PTPRD: variants seen among roughly 807,000 people sequenced by gnomAD.
The protein encoded by PTPRD is protein tyrosine phosphatase receptor type D, also known as receptor-type tyrosine-protein phosphatase delta.
Under a neutral mutation model 214.5 loss-of-function variants are expected in PTPRD, and 34 were observed. The ratio of observed to expected loss-of-function variants is 0.16; its 90% CI spans 0.12 to 0.21. The LOEUF (loss-of-function observed/expected upper bound fraction) is 0.21, where lower values mean the gene tolerates loss of function less well. Ranked by LOEUF, PTPRD falls within the 10% of genes least tolerant of loss-of-function variation. The pLI is 1.00. For synonymous variants in PTPRD, 1,128 were observed against 845.7 expected, an observed-to-expected ratio of 1.33 and a Z score of -5.79; for missense variants, 2,545 against 2,398.7, an observed-to-expected ratio of 1.06 and a Z score of -1.27.
chr9:9,803,373 T>G (rs2099053699), intron 5 of PTPRD, among the ~76,000 whole-genome samples: 1 of 152,008 alleles, frequency 6.6e-6, no homozygotes, highest in Admixed American at 6.6e-5. Flanking sequence ...GCTGCAGAAT[T>G]GAAGAAACTA....
chr9:9,856,638 CAA>C (rs35166329), intron 5 of PTPRD, among the ~76,000 whole-genome samples: 9 of 146,960 alleles, frequency 6.1e-5, no homozygotes, highest in East Asian at 4.0e-4. Context: ...GAAAATTTAC[CAA>C]AAAAAAAAAA....
At chr9:8,652,713 A>C (rs1355028342) in intron 12 of PTPRD, among the ~76,000 whole-genome samples, 2 of 152,224 alleles carry the variant, frequency 1.3e-5, no homozygotes, top group Non-Finnish European at 2.9e-5. Flanking sequence ...AATCCCAAGT[A>C]CTTGAGTGTT....
At chr9:8,790,655 G>A (rs1037751690) in intron 11 of PTPRD, among the ~76,000 whole-genome samples, 1 of 151,968 alleles carries the variant, frequency 6.6e-6, no homozygotes, top group East Asian at 1.9e-4. Flanking sequence ...GAATATCTAA[G>A]CATACCTTAG....
At chr9:8,490,360 T>C (rs537621118) in intron 27 of PTPRD, among the ~76,000 whole-genome samples, 16 of 152,316 alleles carry the variant, frequency 1.1e-4, no homozygotes, top group African/African-American at 3.6e-4. Context: ...TTTTTAGCAA[T>C]TGGAATCATT....
chr9:9,677,322 G>A (rs1243132260), intron 7 of PTPRD, among the ~76,000 whole-genome samples: 2 of 151,902 alleles, frequency 1.3e-5, no homozygotes, highest in Non-Finnish European at 2.9e-5. Flanking sequence ...GTAAGGAAGG[G>A]ATCCAGTTTC....
intron 3 of PTPRD, among the ~76,000 whole-genome samples, chr9:10,154,054 G>A (rs377657005): frequency 6.6e-6 from 1 of 152,050 alleles, no homozygotes; most frequent in African/African-American, 2.4e-5. Context: ...TTACCACACT[G>A]CTTTCTACAA....
intron 2 of PTPRD, among the ~76,000 whole-genome samples, chr9:10,394,791 A>C (rs200705845): frequency 2.6e-5 from 4 of 151,602 alleles, no homozygotes; most frequent in Non-Finnish European, 5.9e-5. Context: ...AATAGAATAA[A>C]CGTCAATATA....
At chr9:9,482,588 C>G (rs914875521) in intron 8 of PTPRD, among the ~76,000 whole-genome samples, 4 of 152,094 alleles carry the variant, frequency 2.6e-5, no homozygotes, top group African/African-American at 9.7e-5. Context: ...TATCTTGTAC[C>G]AGCACTACAG....
Position 10,506,832 on chromosome 9 carries a change from T to C in PTPRD, c.-600+105566A>G, listed in dbSNP as rs762065740. Among the ~76,000 whole-genome samples, 73 of 152,138 alleles carry C rather than the reference T, an allele frequency of 4.8e-4. 1 individual carries two copies. Among genetic ancestry groups the C allele is most frequent in the Non-Finnish European group, 1.5e-4 (10 of 68,022 alleles). Reference sequence around the variant, plus strand: ...TTTGGGTTTGCGTGATATTTCCTTATGATTAGACTAAAATTAGACATTTTT... The same window carrying C: ...TTTGGGTTTGCGTGATATTTCCTTACGATTAGACTAAAATTAGACATTTTT... On this transcript the variant is annotated intron_variant, in intron 2 of 45. Transcript: ENST00000381196.
At chr9:10,050,246 G>A (rs1255754178) in intron 3 of PTPRD, among the ~76,000 whole-genome samples, 1 of 151,784 alleles carries the variant, frequency 6.6e-6, no homozygotes, top group Non-Finnish European at 1.5e-5. Flanking sequence ...ATACTTGCAG[G>A]CTGATGCAAT....
At chr9:9,877,296 T>C (rs2067163060) in intron 5 of PTPRD, among the ~76,000 whole-genome samples, 1 of 152,096 alleles carries the variant, frequency 6.6e-6, no homozygotes, top group African/African-American at 2.4e-5. Context: ...AATAAATAAA[T>C]ATTAGCTTCA....
intron 39 of PTPRD, among the ~76,000 whole-genome samples, chr9:8,370,896 G>C (rs1564345088): frequency 6.6e-6 from 1 of 152,060 alleles, no homozygotes; most frequent in Non-Finnish European, 1.5e-5. Context: ...GGCCTCTGCT[G>C]TTTTTTCTTC....
intron 2 of PTPRD, among the ~76,000 whole-genome samples, chr9:10,348,654 G>C (rs567023598): frequency 6.6e-6 from 1 of 152,084 alleles, no homozygotes; most frequent in Non-Finnish European, 1.5e-5. Flanking sequence ...TATAACATTT[G>C]TTACGTTATT....
chr9:8,612,250 C>A (rs1009832056), intron 14 of PTPRD, among the ~76,000 whole-genome samples: 9 of 152,174 alleles, frequency 5.9e-5, no homozygotes, highest in Non-Finnish European at 1.2e-4. Context: ...CTCCTTTACA[C>A]GATTCATCCA....
chr9:8,645,649 G>GA (rs1410631432), intron 12 of PTPRD, among the ~76,000 whole-genome samples: 1 of 152,056 alleles, frequency 6.6e-6, no homozygotes. Context: ...GAAAAGGAGA[G>GA]AGAAGAAGAA....
chr9:8,919,742 C>T (rs528022193), intron 11 of PTPRD, among the ~76,000 whole-genome samples: 10 of 151,294 alleles, frequency 6.6e-5, no homozygotes, highest in South Asian at 6.2e-4. Context: ...CACACACATA[C>T]ATGTATACAT....
intron 10 of PTPRD, among the ~76,000 whole-genome samples, chr9:9,171,326 A>G (rs2099915750): frequency 6.7e-6 from 1 of 150,256 alleles, no homozygotes; most frequent in Admixed American, 6.7e-5. Flanking sequence ...GAGTATTGCT[A>G]ATTATAAGAT....
intron 3 of PTPRD, among the ~76,000 whole-genome samples, chr9:10,158,421 G>T (rs1282176264): frequency 6.6e-6 from 1 of 152,136 alleles, no homozygotes; most frequent in African/African-American, 2.4e-5. Context: ...CCCCCATTTT[G>T]TAATAATGAA....
intron 5 of PTPRD, among the ~76,000 whole-genome samples, chr9:9,903,766 C>T (rs945504431): frequency 1.3e-5 from 2 of 152,044 alleles, no homozygotes; most frequent in Admixed American, 1.3e-4. Context: ...TGAAGTTTTT[C>T]ACTGGATCAT....
Sources: gnomAD v4.1 joint callset for allele counts (sites outside exome capture counted in the v4.1 genomes callset) on GRCh38, gnomAD v4.1.1 for gene constraint, MANE v1.5 for transcripts, NCBI Gene and HGNC (gene_info 2026-07-23, HGNC 2026-07-21) for gene names.